ZNF25: variants seen among roughly 807,000 people sequenced by gnomAD.
ZNF25 encodes zinc finger protein 25, also known as zinc finger protein 25 (KOX 19).
Under a neutral mutation model 30.9 loss-of-function variants are expected in ZNF25, and 21 were observed. The observed-to-expected ratio is 0.68, with a 90% confidence interval of 0.48 to 0.98. The LOEUF (loss-of-function observed/expected upper bound fraction) is 0.98, where lower values mean the gene tolerates loss of function less well. Ranked by LOEUF, ZNF25 falls within the 50% of genes least tolerant of loss-of-function variation. ZNF25 has a pLI of 0.00. For synonymous variants in ZNF25, 169 were observed against 181.3 expected (o/e 0.93, Z 0.55); for missense variants, 501 against 529.9 (o/e 0.95, Z 0.54).
intron 2 of ZNF25, among the ~76,000 whole-genome samples, chr10:37,965,552 A>G (rs2063136357): frequency 2.6e-5 from 4 of 152,222 alleles, no homozygotes; most frequent in Admixed American, 2.0e-4. Context: ...ACTATCCATC[A>G]ATAATGCAGA....
chr10:37,956,194 AT>A (rs1367890705), intron 4 of ZNF25, among the ~76,000 whole-genome samples: 2 of 152,220 alleles, frequency 1.3e-5, no homozygotes, highest in Non-Finnish European at 2.9e-5. Flanking sequence ...TAAACACTGT[AT>A]AGCAGGAAGT....
At position 37,957,565 on chromosome 10, in the gene ZNF25, G is replaced by C; in HGVS notation, c.16-19C>G. ...CGGGTCCCTGGAATAACATACTTCAGTTCAATTTGAAGTAACCAGAATAGA... is the reference window on the plus strand; with the variant it reads ...CGGGTCCCTGGAATAACATACTTCACTTCAATTTGAAGTAACCAGAATAGA... On this transcript the variant is annotated intron_variant, in intron 2 of 5. Transcript: ENST00000302609. 1 of 1,608,210 alleles carries C rather than the reference G, an allele frequency of 6.2e-7. No homozygotes were observed. The highest frequency in any genetic ancestry group is 8.5e-7 in the Non-Finnish European group (1 of 1,177,344).
chr10:37,967,659 C>T lies in ZNF25; in HGVS notation c.15+4049G>A, dbSNP rs548117839. ...CTGGGCTCAAGAGATCTGCCCACTT[C>T]GGTCACCTAAAGTGTTAGGATTACA... On this transcript the variant is annotated intron_variant, in intron 2 of 5. Transcript: ENST00000302609. Among the ~76,000 whole-genome samples, 14 of 152,240 alleles carry T rather than the reference C, an allele frequency of 9.2e-5. No homozygotes were observed. The South Asian group carries it at 2.9e-3, about 32-fold the overall frequency.
chr10:37,953,431 T>C (rs572298653), intron 5 of ZNF25: 2 of 603,528 alleles, frequency 3.3e-6, no homozygotes, highest in Non-Finnish European at 5.8e-6. Context: ...CTCAATTGCC[T>C]GCATTCTATT....
Position 37,952,081 on chromosome 10 carries a change from ATTGTT to A in ZNF25, c.*41_*45del, listed in dbSNP as rs2062170394. On this transcript the variant is annotated 3_prime_UTR_variant, in exon 6 of 6. Coordinates refer to ENST00000302609, the MANE Select transcript of ZNF25 (RefSeq NM_145011.4). ...GTGTACCTCTTGTGTGAATTATCTG[ATTGTT>A]TTGAAGGATTAATTCAGTCAAGAGA... is the stretch of plus-strand genomic sequence containing the variant. 2.7e-6 allele frequency: 4 copies of A among 1,498,062 alleles called. No homozygotes were observed. The highest frequency in any genetic ancestry group is 2.7e-6 in the Non-Finnish European group (3 of 1,117,366). 92.8% of individuals were successfully genotyped at this position (1,498,062 alleles called of 1,614,324 possible).
At chr10:37,968,230 G>T (rs1258810451) in intron 2 of ZNF25, among the ~76,000 whole-genome samples, 1 of 151,852 alleles carries the variant, frequency 6.6e-6, no homozygotes, top group East Asian at 1.9e-4. Flanking sequence ...ACTGATTTTT[G>T]TATTTTTAAC....
chr10:37,953,161 T>C lies in ZNF25; in HGVS notation c.337A>G (p.Thr113Ala), dbSNP rs998791359. 3 of 1,595,232 alleles carry C rather than the reference T, an allele frequency of 1.9e-6. No homozygotes were observed. Residue 113 changes from threonine (T) to alanine (A), a missense_variant, in exon 6 of 6, where the codon ACC becomes GCC. Thr to Ala is a moderately conservative substitution (Grantham distance 58). Transcript: ENST00000302609. ...TTACATTCACAGGCTTTCTCTGTGG[T>C]ATGAGTTTTCTGATGTTTTGTGAGT... ...GELTKHQKTHTTEKACECKEC... is the reference protein window; with the variant it reads ...GELTKHQKTHATEKACECKEC...
chr10:37,965,146 C>T (rs1590271931), intron 2 of ZNF25, among the ~76,000 whole-genome samples: 2 of 152,206 alleles, frequency 1.3e-5, no homozygotes, highest in Middle Eastern at 6.8e-3. Context: ...TGGCAGCTTC[C>T]CCCTAGATTT....
chr10:37,960,497 G>A (rs181675660), intron 2 of ZNF25, among the ~76,000 whole-genome samples: 1,919 of 150,984 alleles, frequency 0.013, 23 homozygotes, highest in Non-Finnish European at 0.017. Context: ...GGTGATGGGC[G>A]CCTGTAATCC....
At chr10:37,960,397 G>T (rs980149139) in intron 2 of ZNF25, among the ~76,000 whole-genome samples, 94 of 150,662 alleles carry the variant, frequency 6.2e-4, no homozygotes, top group African/African-American at 2.2e-3. Context: ...GGCGGATCAC[G>T]AGGTCAGGAG....
intron 2 of ZNF25, among the ~76,000 whole-genome samples, chr10:37,967,443 AG>A (rs2063247650): frequency 6.6e-6 from 1 of 150,470 alleles, no homozygotes; most frequent in Non-Finnish European, 1.5e-5. Context: ...TTTCTGAGAC[AG>A]GGTCTCACTG....
At chr10:37,972,393 G>T (rs1423048143) in intron 1 of ZNF25, among the ~76,000 whole-genome samples, 1 of 152,138 alleles carries the variant, frequency 6.6e-6, no homozygotes. Flanking sequence ...TAGTTTCAAT[G>T]CTTTTGTCTT....
intron 2 of ZNF25, 72 bp downstream of exon 2, chr10:37,971,628 TAAACACAC>T: frequency 1.5e-6 from 2 of 1,347,424 alleles, no homozygotes; most frequent in Non-Finnish European, 2.0e-6. Context: ...TAAAACTCAT[TAAACACAC>T]ACACACACAC....
rs770984688 is a variant in ZNF25, at chr10:37,971,730, T to C, written c.-8A>G. 2 of 1,613,862 alleles carry C rather than the reference T, an allele frequency of 1.2e-6. No homozygotes were observed. The highest frequency in any genetic ancestry group is 2.7e-5 in the African/African-American group (2 of 74,844). On this transcript the variant is annotated 5_prime_UTR_variant, in exon 2 of 6. Coordinates refer to ENST00000302609, the MANE Select transcript of ZNF25 (RefSeq NM_145011.4). ...CACCTGGAACTTGTTCATTTTCTGC[T>C]GCTCTTGGGAAAGGCTGAAAACTGC... is the stretch of plus-strand genomic sequence containing the variant.
At chr10:37,970,515 C>T (rs1184517978) in intron 2 of ZNF25, among the ~76,000 whole-genome samples, 2 of 152,070 alleles carry the variant, frequency 1.3e-5, no homozygotes, top group Non-Finnish European at 1.5e-5. Context: ...TAGTTTATAC[C>T]ATCCTTATTA....
At chr10:37,953,597 T>C (rs2135288288) in intron 5 of ZNF25, 98 bp downstream of exon 5, 1 of 1,127,196 alleles carries the variant, frequency 8.9e-7, no homozygotes, top group Non-Finnish European at 1.3e-6. Flanking sequence ...GTTAGTTTTC[T>C]CACGTTTAGT....
At position 37,952,736 on chromosome 10, in the gene ZNF25, C is replaced by T. The variant is rs879008238; in HGVS notation, c.762G>A (p.Gly254=). ...ACTCCTTACACTCATAGGGTTTCTCCCCTGTGTGTGTTTTCTGATGTACCA... is the reference window on the plus strand; with the variant it reads ...ACTCCTTACACTCATAGGGTTTCTCTCCTGTGTGTGTTTTCTGATGTACCA... ...YLMVHQKTHT[G]EKPYECKECG... The change falls in exon 6 of 6, where the codon GGG becomes GGA. Residue 254 remains glycine (G), a synonymous_variant. Transcript: ENST00000302609. The T allele has an allele frequency of 6.2e-7, 1 of 1,613,130 alleles. No homozygotes were observed.
In ZNF25 at chr10:37,950,995, C is replaced by A. The variant is rs1247021337; in HGVS notation, c.*1132G>T. The A allele has an allele frequency of 6.6e-6, 1 of 152,140 alleles. No homozygotes were observed. Among genetic ancestry groups the A allele is most frequent in the Non-Finnish European group, 1.5e-5 (1 of 68,024 alleles). 9.4% of individuals were successfully genotyped at this position (152,140 alleles called of 1,614,324 possible). On this transcript the variant is annotated 3_prime_UTR_variant, in exon 6 of 6. Coordinates refer to ENST00000302609, the MANE Select transcript of ZNF25 (RefSeq NM_145011.4). ...ATTGTGGAGATTGTAATAAATACTA[C>A]TGTTTTTAGCTGTTTAAAAACAGCT...
chr10:37,974,995 T>C (rs1185577900), intron 1 of ZNF25, among the ~76,000 whole-genome samples: 1 of 152,154 alleles, frequency 6.6e-6, no homozygotes, highest in Non-Finnish European at 1.5e-5. Context: ...TTATGTTACA[T>C]GAAATAAGCC....
Sources: allele counts gnomAD v4.1 joint callset (sites outside exome capture counted in the v4.1 genomes callset), GRCh38; gene constraint gnomAD v4.1.1; transcripts MANE v1.5; gene names NCBI Gene and HGNC (gene_info 2026-07-23, HGNC 2026-07-21).